Variants in CEP128 observed in about 807,000 individuals in gnomAD.
The protein encoded by CEP128 is centrosomal protein 128.
Under a neutral mutation model 156.7 loss-of-function variants are expected in CEP128, and 132 were observed. That is an observed-to-expected ratio of 0.84 (90% CI 0.73 to 0.97). The LOEUF is 0.97. Ranked by LOEUF, CEP128 falls within the 50% of genes least tolerant of loss-of-function variation. CEP128 has a pLI of 0.00. For synonymous variants in CEP128, 469 were observed against 448.9 expected (o/e 1.04, Z -0.57); for missense variants, 1,252 against 1,281.9 (o/e 0.98, Z 0.36).
chr14:80,695,380 G>A (rs1196288513), intron 19 of CEP128, among the ~76,000 whole-genome samples: 2 of 152,146 alleles, frequency 1.3e-5, no homozygotes, highest in Non-Finnish European at 2.9e-5. Flanking sequence ...AAGATGAAAT[G>A]TGAAGCAGAG....
chr14:80,519,182 G>A (rs923104847), intron 23 of CEP128, among the ~76,000 whole-genome samples: 2 of 152,194 alleles, frequency 1.3e-5, no homozygotes, highest in African/African-American at 4.8e-5. Context: ...GTCTCAACAA[G>A]CTAGTTAGCC....
At chr14:80,884,295 CA>C (rs1177027571) in intron 8 of CEP128, among the ~76,000 whole-genome samples, 1 of 152,134 alleles carries the variant, frequency 6.6e-6, no homozygotes, top group Non-Finnish European at 1.5e-5. Flanking sequence ...AGAGACGACC[CA>C]GAAAATGACA....
chr14:80,608,605 T>A (rs750574869), intron 19 of CEP128, among the ~76,000 whole-genome samples: 3 of 152,182 alleles, frequency 2.0e-5, no homozygotes, highest in Non-Finnish European at 4.4e-5. Context: ...CCTTTCCATA[T>A]TCTAAATTCT....
At chr14:80,566,326 C>A (rs1019305684) in intron 20 of CEP128, among the ~76,000 whole-genome samples, 1 of 152,088 alleles carries the variant, frequency 6.6e-6, no homozygotes, top group African/African-American at 2.4e-5. Context: ...CAATCCATTA[C>A]GTTTTAAAAA....
chr14:80,514,395 T>C (rs1395699135), intron 23 of CEP128, among the ~76,000 whole-genome samples: 6 of 152,030 alleles, frequency 3.9e-5, no homozygotes, highest in Non-Finnish European at 8.8e-5. Context: ...CTAGATCTTA[T>C]AGGTGTACTT....
intron 23 of CEP128, among the ~76,000 whole-genome samples, chr14:80,524,546 T>C (rs945054493): frequency 1.3e-5 from 2 of 152,134 alleles, no homozygotes; most frequent in Non-Finnish European, 2.9e-5. Context: ...TAAAGCTGCC[T>C]CCTCTCTCAG....
intron 9 of CEP128, among the ~76,000 whole-genome samples, chr14:80,843,817 C>A (rs1050782370): frequency 2.6e-5 from 4 of 151,900 alleles, no homozygotes; most frequent in African/African-American, 9.7e-5. Flanking sequence ...AAAACACTAT[C>A]ATGGAAACTT....
chr14:80,759,720 A>G (rs1333623622), intron 17 of CEP128, among the ~76,000 whole-genome samples: 1 of 152,130 alleles, frequency 6.6e-6, no homozygotes. Flanking sequence ...ACCCATTACC[A>G]CAGTCACTCC....
At position 80,497,344 on chromosome 14, in the gene CEP128, T is replaced by A. The variant is rs1298158232; in HGVS notation, c.*135A>T. Reference sequence around the variant, plus strand: ...CAAGGACCAACAGTATTGTCACTTTTGTCAATGTTTGGCAATACCAAAGAG... The same window carrying A: ...CAAGGACCAACAGTATTGTCACTTTAGTCAATGTTTGGCAATACCAAAGAG... On this transcript the variant is annotated 3_prime_UTR_variant, in exon 25 of 25. Transcript: ENST00000555265. 1.6e-6 allele frequency: 1 copy of A among 610,740 alleles called. No homozygotes were observed. Among genetic ancestry groups the A allele is most frequent in the African/African-American group, 1.9e-5 (1 of 53,858 alleles). The allele number at this position is 610,740 out of a possible 1,614,324, so 37.8% of individuals were successfully genotyped here.
intron 19 of CEP128, among the ~76,000 whole-genome samples, chr14:80,616,387 T>C (rs1893212438): frequency 1.3e-5 from 2 of 152,236 alleles, no homozygotes; most frequent in Admixed American, 6.5e-5. Context: ...GATGATTATT[T>C]TCCCCATTTT....
intron 13 of CEP128, among the ~76,000 whole-genome samples, chr14:80,803,169 G>A (rs1046962390): frequency 4.6e-5 from 7 of 152,056 alleles, no homozygotes; most frequent in Admixed American, 1.3e-4. Context: ...AGGCAAGACC[G>A]ACATCTAACA....
At chr14:80,579,960 C>A (rs1891517720) in intron 20 of CEP128, among the ~76,000 whole-genome samples, 1 of 152,184 alleles carries the variant, frequency 6.6e-6, no homozygotes. Flanking sequence ...ACCTTAAGCT[C>A]TATTTATGTG....
intron 2 of CEP128, chr14:80,956,032 G>T (rs1308048478): frequency 2.8e-6 from 2 of 718,322 alleles, no homozygotes; most frequent in Admixed American, 2.1e-5. Flanking sequence ...CCCACACTTG[G>T]GAAGGTATCA....
Position 80,635,655 on chromosome 14 carries a change from T to C in CEP128, c.2807-55232A>G, listed in dbSNP as rs1157731383. Among the ~76,000 whole-genome samples, 5 of 152,206 alleles carry C rather than the reference T, an allele frequency of 3.3e-5. No individual in the cohort carries two copies. In the East Asian group the frequency reaches 9.6e-4, roughly 29 times the overall value. On this transcript the variant is annotated intron_variant, in intron 19 of 24. Transcript: ENST00000555265. ...TAAGGAGTATACATTATGTGTCAGG[T>C]ATTGTCTTATGTAAAGCAGATTTAT...
chr14:80,934,851 G>C (rs921217621), intron 2 of CEP128, among the ~76,000 whole-genome samples: 1 of 152,052 alleles, frequency 6.6e-6, no homozygotes, highest in Admixed American at 6.6e-5. Flanking sequence ...AAAATTATGA[G>C]ACTATAACTG....
intron 19 of CEP128, among the ~76,000 whole-genome samples, chr14:80,597,950 CAAAA>C (rs34001813): frequency 2.5e-5 from 2 of 80,136 alleles, no homozygotes; most frequent in African/African-American, 1.0e-4. Flanking sequence ...TCCTCAGCTA[CAAAA>C]AAAAAAAAAA....
intron 18 of CEP128, 36 bp from the exon 19 acceptor site, chr14:80,743,303 A>C (rs762933974): frequency 7.0e-7 from 1 of 1,425,406 alleles, no homozygotes; most frequent in Non-Finnish European, 9.8e-7. Context: ...GGTTAAAGAA[A>C]CTCAGAAAAG....
chr14:80,820,360 T>A (rs2139993302), intron 13 of CEP128, among the ~76,000 whole-genome samples: 1 of 152,352 alleles, frequency 6.6e-6, no homozygotes, highest in South Asian at 2.1e-4. Flanking sequence ...TGAATGATCA[T>A]ATCTTCCTCC....
intron 23 of CEP128, among the ~76,000 whole-genome samples, chr14:80,519,553 TC>T (rs1465885618): frequency 6.6e-6 from 1 of 152,230 alleles, no homozygotes; most frequent in Non-Finnish European, 1.5e-5. Flanking sequence ...TAATGCACTG[TC>T]CTTCCATTTC....
Sources: allele counts gnomAD v4.1 joint callset (sites outside exome capture counted in the v4.1 genomes callset), GRCh38; gene constraint gnomAD v4.1.1; transcripts MANE v1.5; gene names NCBI Gene and HGNC (gene_info 2026-07-23, HGNC 2026-07-21).